Variants in ZNF181 observed in about 807,000 individuals in gnomAD.
ZNF181 encodes zinc finger protein 181 (HHZ181).
Under a neutral mutation model 11.9 loss-of-function variants are expected in ZNF181, and 8 were observed. The observed-to-expected ratio is 0.67, with a 90% CI of 0.39 to 1.21. The LOEUF (loss-of-function observed/expected upper bound fraction) is 1.21. ZNF181 is among the 50% of genes most tolerant of loss of function. The probability of loss-of-function intolerance (pLI) is 0.01; values close to 1 mark genes in which losing one functional copy is unlikely to be tolerated. For missense variants in ZNF181, 542 were observed against 670.9 expected (o/e 0.81, Z 2.12); for synonymous variants, 202 against 221.1 (o/e 0.91, Z 0.77).
At chr19:34,735,100 T>G in intron 1 of ZNF181, 54 bp downstream of exon 1, 13 of 1,550,450 alleles carry the variant, frequency 8.4e-6, no homozygotes, top group Non-Finnish European at 1.0e-5. Flanking sequence ...GACTGTGTGT[T>G]TGCTTTGCTT....
At chr19:34,739,344 A>C in intron 2 of ZNF181, 76 bp downstream of exon 2, 11 of 1,593,620 alleles carry the variant, frequency 6.9e-6, no homozygotes, top group Non-Finnish European at 9.4e-6. Flanking sequence ...GACCCTCCTA[A>C]GTAAATGGCT....
intron 1 of ZNF181, 47 bp downstream of exon 1, chr19:34,735,093 T>A (rs2068868372): frequency 5.8e-6 from 9 of 1,554,986 alleles, no homozygotes; most frequent in Non-Finnish European, 7.8e-6. Context: ...TTATCAGGAC[T>A]GTGTGTTTGC....
intron 1 of ZNF181, 44 bp from the exon 2 acceptor site, chr19:34,739,104 G>A: frequency 6.2e-7 from 1 of 1,609,406 alleles, no homozygotes; most frequent in African/African-American, 1.3e-5. Context: ...AGTGACAGAA[G>A]AGGCCTGGGC....
In ZNF181 at chr19:34,742,131, TC is replaced by T; in HGVS notation, c.*37del. 1 of 1,506,652 alleles carries T rather than the reference TC, an allele frequency of 6.6e-7. No homozygotes were observed. The highest frequency in any genetic ancestry group is 8.9e-7 in the Non-Finnish European group (1 of 1,129,650). 93.3% of individuals were successfully genotyped at this position (1,506,652 alleles called of 1,614,324 possible). A position where few individuals can be genotyped will look rare whatever the true frequency, so the allele number is the denominator to read the frequency against. ...TTATCATGGTAAATTTCCTAGATTCTCCCTTATTTAACATTAGAAAAATTTA... is the reference window on the plus strand; with the variant it reads ...TTATCATGGTAAATTTCCTAGATTCTCCTTATTTAACATTAGAAAAATTTA... On this transcript the variant is annotated 3_prime_UTR_variant, in exon 4 of 4. Coordinates refer to ENST00000492450, the MANE Select transcript of ZNF181 (RefSeq NM_001029997.4).
chr19:34,734,845 C>T lies in ZNF181; in HGVS notation c.-193C>T. The T allele has an allele frequency of 1.7e-6, 1 of 581,628 alleles. No homozygotes were observed. The highest frequency in any genetic ancestry group is 3.1e-6 in the Non-Finnish European group (1 of 326,352). 36.0% of individuals were successfully genotyped at this position (581,628 alleles called of 1,614,324 possible). A position where few individuals can be genotyped will look rare whatever the true frequency, so the allele number is the denominator to read the frequency against. Reference sequence around the variant, plus strand: ...TTGCGGAGAAACACCCTGTTAGTTCCCAGGGAGAGATTGGCGCCCTGGAGA... The same window carrying T: ...TTGCGGAGAAACACCCTGTTAGTTCTCAGGGAGAGATTGGCGCCCTGGAGA... On this transcript the variant is annotated 5_prime_UTR_variant, in exon 1 of 4. Coordinates refer to ENST00000492450, the MANE Select transcript of ZNF181 (RefSeq NM_001029997.4).
Position 34,741,624 on chromosome 19 carries a change from A to T in ZNF181, c.1243A>T (p.Ser415Cys), listed in dbSNP as rs1417913979. ...YECNKCLKVF[S>C]SLSFLVQHQS... is the part of the protein sequence containing the mutation. The stretch of plus-strand genomic sequence containing the variant: ...ATGCAACAAATGTCTGAAAGTCTTT[A>T]GTAGCCTCTCATTTCTTGTTCAGCA... Residue 415 changes from serine (S) to cysteine (C), a missense_variant, in exon 4 of 4, where the codon AGT becomes TGT. Coordinates refer to ENST00000492450, the MANE Select transcript of ZNF181 (RefSeq NM_001029997.4). 1.2e-6 allele frequency: 2 copies of T among 1,613,944 alleles called. No homozygotes were observed. The highest frequency in any genetic ancestry group is 1.7e-6 in the Non-Finnish European group (2 of 1,179,920).
In ZNF181 at chr19:34,736,211, G is replaced by A. The variant is rs577349726; in HGVS notation, c.9+1165G>A. 1.4e-4 allele frequency: 97 copies of A among 701,002 alleles called. No individual in the cohort carries two copies. In the African/African-American group the frequency reaches 1.5e-3, roughly 11 times the overall value. The allele number at this position is 701,002 out of a possible 1,614,324, so 43.4% of individuals were successfully genotyped here. A position where few individuals can be genotyped will look rare whatever the true frequency, so the allele number is the denominator to read the frequency against. On this transcript the variant is annotated intron_variant, in intron 1 of 3. Coordinates refer to ENST00000492450, the MANE Select transcript of ZNF181 (RefSeq NM_001029997.4). ...GAAGCTTGCATAGGAGGGGATGTGA[G>A]TAGCAGATGTACATGTTGGGTGAAG... is the stretch of plus-strand genomic sequence containing the variant.
rs764393886 is a variant in ZNF181 at position 34,741,929 on chromosome 19, A to G, written c.1548A>G (p.Pro516=). The G allele has an allele frequency of 1.2e-6, 2 of 1,613,884 alleles. No homozygotes were observed. Among genetic ancestry groups the G allele is most frequent in the East Asian group, 2.2e-5 (1 of 44,862 alleles). ...VHQRIHTGEK[P]YKCNECGKAF... Reference sequence around the variant, plus strand: ...AGAGAATTCACACTGGAGAAAAGCCATATAAATGTAATGAGTGTGGGAAAG... The same window carrying G: ...AGAGAATTCACACTGGAGAAAAGCCGTATAAATGTAATGAGTGTGGGAAAG... Residue 516 remains proline, a synonymous_variant, in exon 4 of 4, where the codon CCA becomes CCG. Transcript: ENST00000492450.
At chr19:34,738,166 G>A (rs547968215) in intron 1 of ZNF181, among the ~76,000 whole-genome samples, 2 of 152,038 alleles carry the variant, frequency 1.3e-5, no homozygotes, top group African/African-American at 4.8e-5. Context: ...TAGTCCATTG[G>A]TGCTGCTATA....
rs751030748 is a variant in ZNF181, at chr19:34,740,601, T to G, written c.230-10T>G. ...ACAAAACAGTGCTTTGCTTTTTTGA[T>G]GTATTTCAGATTGGGAATCAAGATG... On this transcript the variant is annotated splice_polypyrimidine_tract_variant and intron_variant, in intron 3 of 3. Coordinates refer to ENST00000492450, the MANE Select transcript of ZNF181 (RefSeq NM_001029997.4). The G allele has an allele frequency of 6.5e-7, 1 of 1,538,842 alleles. No homozygotes were observed. Among genetic ancestry groups the G allele is most frequent in the Non-Finnish European group, 8.7e-7 (1 of 1,147,402 alleles).
rs917784230 is a variant in ZNF181, at chr19:34,739,363, G to A, written c.130+95G>A. 14 of 1,582,204 alleles carry A rather than the reference G, an allele frequency of 8.8e-6. No individual in the cohort carries two copies. In the African/African-American group the frequency reaches 1.6e-4, roughly 18 times the overall value. On this transcript the variant is annotated intron_variant, in intron 2 of 3. Coordinates refer to ENST00000492450, the MANE Select transcript of ZNF181 (RefSeq NM_001029997.4). ...CTCCTAAGTAAATGGCTGAATTTCT[G>A]TAGCATGTTCCCAAGGAAATGTGCA...
intron 1 of ZNF181, among the ~76,000 whole-genome samples, chr19:34,738,545 T>G (rs1038067614): frequency 3.3e-5 from 5 of 151,106 alleles, no homozygotes; most frequent in Middle Eastern, 3.4e-3. Context: ...TTTTTTTTTG[T>G]TTTTGTTTTT....
chr19:34,739,533 T>C lies in ZNF181; in HGVS notation c.141T>C (p.Ser47=), dbSNP rs1568483411. The change falls in exon 3 of 4, where the codon TCT becomes TCC. Residue 47 remains serine (S), a synonymous_variant. Coordinates refer to ENST00000492450, the MANE Select transcript of ZNF181 (RefSeq NM_001029997.4). ...YENLVSVAGL[S]VTKPYVITLL... is the part of the protein sequence containing the mutation. ...TATTCTTCCTGTAAGCAGGTCTTTC[T>C]GTAACTAAGCCATATGTGATCACGT... The C allele has an allele frequency of 6.2e-7, 1 of 1,614,048 alleles. No individual in the cohort carries two copies. Among genetic ancestry groups the C allele is most frequent in the Non-Finnish European group, 8.5e-7 (1 of 1,179,950 alleles).
chr19:34,735,568 C>G (rs1387496429), intron 1 of ZNF181, among the ~76,000 whole-genome samples: 1 of 152,232 alleles, frequency 6.6e-6, no homozygotes, highest in African/African-American at 2.4e-5. Context: ...TTCCCTGCAT[C>G]TGCCCTTAAC....
At position 34,740,962 on chromosome 19, in the gene ZNF181, A is replaced by G; in HGVS notation, c.581A>G (p.Lys194Arg). The part of the protein sequence containing the change: ...KYDILKKNLP[K>R]KSVIKNEKVN... The stretch of plus-strand genomic sequence containing the variant: ...GATATATTAAAGAAGAACTTACCAA[A>G]AAAGTCAGTTATAAAAAATGAGAAA... The change falls in exon 4 of 4, where the codon AAA (lysine) becomes AGA (arginine). Residue 194 changes from lysine (K) to arginine (R), a missense_variant. Physicochemically the swap from Lys to Arg is conservative, Grantham distance 26 (BLOSUM62 2). Coordinates refer to ENST00000492450, the MANE Select transcript of ZNF181 (RefSeq NM_001029997.4). 3.7e-6 allele frequency: 6 copies of G among 1,613,870 alleles called. No individual in the cohort carries two copies. The highest frequency in any genetic ancestry group is 5.1e-6 in the Non-Finnish European group (6 of 1,179,922).
In ZNF181 at chr19:34,744,969, T is replaced by C. The variant is rs994972540; in HGVS notation, c.*2872T>C. On this transcript the variant is annotated 3_prime_UTR_variant, in exon 4 of 4. Coordinates refer to ENST00000492450, the MANE Select transcript of ZNF181 (RefSeq NM_001029997.4). ...CATACACATGATAATGCTTTACGTT[T>C]CTGGATTTAAAGTGCCTTCACAATA... 6.6e-6 allele frequency: 1 copy of C among 152,240 alleles called. No homozygotes were observed. The highest frequency in any genetic ancestry group is 2.4e-5 in the African/African-American group (1 of 41,470). The allele number at this position is 152,240 out of a possible 1,614,324, so 9.4% of individuals were successfully genotyped here. A position where few individuals can be genotyped will look rare whatever the true frequency, so the allele number is the denominator to read the frequency against.
chr19:34,735,146 G>T, intron 1 of ZNF181, 100 bp downstream of exon 1: 4 of 1,349,662 alleles, frequency 3.0e-6, no homozygotes, highest in Non-Finnish European at 4.1e-6. Context: ...GTCCATTTAA[G>T]GGACTGGATC....
At position 34,741,725 on chromosome 19, in the gene ZNF181, G is replaced by A. The variant is rs771455235; in HGVS notation, c.1344G>A (p.Leu448=). ...AATCCTTCAACCAGCTTGAATCACT[G>A]AATATGCATTTGAGAAATCACATTA... ...CRKSFNQLES[L]NMHLRNHIRL... Residue 448 remains leucine, a synonymous_variant, in exon 4 of 4, where the codon CTG becomes CTA. Coordinates refer to ENST00000492450, the MANE Select transcript of ZNF181 (RefSeq NM_001029997.4). 1 of 1,613,952 alleles carries A rather than the reference G, an allele frequency of 6.2e-7. No individual in the cohort carries two copies. The highest frequency in any genetic ancestry group is 1.7e-5 in the Admixed American group (1 of 59,976).
Position 34,741,723 on chromosome 19 carries a change from C to T in ZNF181, c.1342C>T (p.Leu448=), listed in dbSNP as rs1471980705. 1 of 1,613,978 alleles carries T rather than the reference C, an allele frequency of 6.2e-7. No individual in the cohort carries two copies. The highest frequency in any genetic ancestry group is 2.2e-5 in the East Asian group (1 of 44,870). The change falls in exon 4 of 4, where the codon CTG becomes TTG. Residue 448 remains leucine (L), a synonymous_variant. Coordinates refer to ENST00000492450, the MANE Select transcript of ZNF181 (RefSeq NM_001029997.4). ...GAAATCCTTCAACCAGCTTGAATCA[C>T]TGAATATGCATTTGAGAAATCACAT... The part of the protein sequence containing the change: ...CRKSFNQLES[L]NMHLRNHIRL...
Sources: allele counts gnomAD v4.1 joint callset (sites outside exome capture counted in the v4.1 genomes callset), GRCh38; gene constraint gnomAD v4.1.1; transcripts MANE v1.5; gene names NCBI Gene and HGNC (gene_info 2026-07-23, HGNC 2026-07-21).